The following ZZZ3 variants were observed in gnomAD, a reference collection of about 807,000 sequenced individuals.
The protein encoded by ZZZ3 is ZZ-type zinc finger-containing protein 3.
A neutral mutation model predicts 95.2 loss-of-function variants in ZZZ3; 22 were observed. That is an observed-to-expected ratio of 0.23 (90% CI 0.17 to 0.33). The LOEUF is 0.33. Among genes scored for constraint, ZZZ3 ranks in the 10% least tolerant of loss-of-function variants. The probability of loss-of-function intolerance (pLI) is 1.00; values close to 1 mark genes in which losing one functional copy is unlikely to be tolerated. For missense variants in ZZZ3, 885 were observed against 1,066.5 expected (o/e 0.83, Z 2.37); for synonymous variants, 335 against 358.9 (o/e 0.93, Z 0.75).
intron 5 of ZZZ3, among the ~76,000 whole-genome samples, chr1:77,610,536 T>C (rs1665688362): frequency 6.6e-6 from 1 of 151,770 alleles, no homozygotes; most frequent in Admixed American, 6.6e-5. Flanking sequence ...CCAATATCTC[T>C]GATGACTGTT....
intron 5 of ZZZ3, among the ~76,000 whole-genome samples, chr1:77,618,395 T>G (rs1236514036): frequency 6.6e-6 from 1 of 151,952 alleles, no homozygotes; most frequent in African/African-American, 2.4e-5. Context: ...AAATGTCATA[T>G]AAAGTTGGGA....
intron 12 of ZZZ3, among the ~76,000 whole-genome samples, chr1:77,570,492 A>G (rs1325864640): frequency 6.6e-6 from 1 of 151,980 alleles, no homozygotes; most frequent in Non-Finnish European, 1.5e-5. Context: ...GTCCTCTAGT[A>G]TCCACCCCCT....
chr1:77,658,411 T>C (rs897104555), intron 1 of ZZZ3, among the ~76,000 whole-genome samples: 1 of 151,954 alleles, frequency 6.6e-6, no homozygotes, highest in Admixed American at 6.6e-5. Context: ...GGGAGATCAC[T>C]GTTCACTGCA....
At chr1:77,629,489 T>C (rs1163882317) in intron 5 of ZZZ3, among the ~76,000 whole-genome samples, 1 of 152,026 alleles carries the variant, frequency 6.6e-6, no homozygotes, top group Non-Finnish European at 1.5e-5. Context: ...TGTGATGGCG[T>C]ACACCTGTAG....
chr1:77,672,814 C>G (rs1289030646), intron 1 of ZZZ3, among the ~76,000 whole-genome samples: 1 of 152,152 alleles, frequency 6.6e-6, no homozygotes, highest in Non-Finnish European at 1.5e-5. Flanking sequence ...TTAGAAGTAA[C>G]TCTATAACCA....
At position 77,565,125 on chromosome 1, in the gene ZZZ3, C is replaced by T. The variant is rs1380560883; in HGVS notation, c.*515G>A. ...AATATGATTAAGCAGCTCCAATTTA[C>T]TAAAGGCCATCAATGACCACCACTG... is the stretch of plus-strand genomic sequence containing the variant. On this transcript the variant is annotated 3_prime_UTR_variant, in exon 15 of 15. Transcript: ENST00000370801. 1.3e-5 allele frequency: 2 copies of T among 152,510 alleles called. No individual in the cohort carries two copies. The highest frequency in any genetic ancestry group is 2.9e-5 in the Non-Finnish European group (2 of 68,118). The allele number at this position is 152,510 out of a possible 1,614,324, so 9.4% of individuals were successfully genotyped here.
At chr1:77,565,856 C>T in intron 14 of ZZZ3, 72 bp from the exon 15 acceptor site, 7 of 1,398,440 alleles carry the variant, frequency 5.0e-6, no homozygotes, top group Non-Finnish European at 5.8e-6. Flanking sequence ...ACAAAGCTTC[C>T]TCACAGCTCT....
intron 6 of ZZZ3, 62 bp from the exon 7 acceptor site, chr1:77,582,188 C>A (rs1662595448): frequency 7.4e-6 from 11 of 1,482,992 alleles, no homozygotes; most frequent in Non-Finnish European, 9.9e-6. Flanking sequence ...AAGAAATAAT[C>A]CACCACAGTC....
intron 1 of ZZZ3, among the ~76,000 whole-genome samples, chr1:77,643,532 C>A (rs1668973230): frequency 6.6e-6 from 1 of 152,196 alleles, no homozygotes; most frequent in Non-Finnish European, 1.5e-5. Flanking sequence ...TTATTTATTC[C>A]CTTGGAACAG....
chr1:77,612,303 G>C (rs1665888815), intron 5 of ZZZ3, among the ~76,000 whole-genome samples: 1 of 151,994 alleles, frequency 6.6e-6, no homozygotes. Flanking sequence ...AATGCTGGTT[G>C]AGGGTATGGA....
chr1:77,627,282 A>C (rs1229914455), intron 5 of ZZZ3, among the ~76,000 whole-genome samples: 1 of 152,230 alleles, frequency 6.6e-6, no homozygotes, highest in East Asian at 1.9e-4. Context: ...GTCTACTTTC[A>C]AACTGTCATG....
chr1:77,668,422 G>A (rs182199508), intron 1 of ZZZ3, among the ~76,000 whole-genome samples: 112 of 152,218 alleles, frequency 7.4e-4, no homozygotes, highest in African/African-American at 2.6e-3. Context: ...CTAGCTGTGT[G>A]ACAAACTTCT....
At chr1:77,589,689 G>A (rs1389808944) in intron 5 of ZZZ3, among the ~76,000 whole-genome samples, 2 of 151,708 alleles carry the variant, frequency 1.3e-5, no homozygotes, top group Non-Finnish European at 2.9e-5. Context: ...CAAACTCCTG[G>A]CTTCAAACAC....
chr1:77,633,584 T>C (rs1668025215), intron 4 of ZZZ3, among the ~76,000 whole-genome samples, 179 bp from the exon 5 acceptor site: 1 of 152,186 alleles, frequency 6.6e-6, no homozygotes, highest in Admixed American at 6.5e-5. Context: ...AATAATGATA[T>C]AAATTATAGC....
chr1:77,590,720 T>C (rs1170366956), intron 5 of ZZZ3, among the ~76,000 whole-genome samples: 1 of 152,266 alleles, frequency 6.6e-6, no homozygotes, highest in Admixed American at 6.5e-5. Flanking sequence ...GTGCAGTATA[T>C]AATTTTATTG....
chr1:77,644,945 G>C (rs540537722), intron 1 of ZZZ3, among the ~76,000 whole-genome samples: 1 of 152,122 alleles, frequency 6.6e-6, no homozygotes, highest in African/African-American at 2.4e-5. Context: ...TGTTCGGGCT[G>C]GGCACAATGG....
chr1:77,642,432 A>G (rs1557755438), intron 1 of ZZZ3, among the ~76,000 whole-genome samples: 1 of 152,204 alleles, frequency 6.6e-6, no homozygotes. Context: ...TAAAAAGAGT[A>G]CAAATCTACG....
chr1:77,581,261 T>C (rs186657271), intron 8 of ZZZ3, among the ~76,000 whole-genome samples, 192 bp from the exon 9 acceptor site: 1 of 152,364 alleles, frequency 6.6e-6, no homozygotes, highest in East Asian at 1.9e-4. Flanking sequence ...TGTTTGGTTT[T>C]ATACTCTCAG....
At chr1:77,641,311 G>A (rs1668758810) in intron 3 of ZZZ3, 73 bp downstream of exon 3, 3 of 363,302 alleles carry the variant, frequency 8.3e-6, no homozygotes, top group African/African-American at 6.3e-5. Flanking sequence ...GTTCACTATA[G>A]GAAGATTATC....
Sources: gnomAD v4.1 joint callset for allele counts (sites outside exome capture counted in the v4.1 genomes callset) on GRCh38, gnomAD v4.1.1 for gene constraint, MANE v1.5 for transcripts, NCBI Gene and HGNC (gene_info 2026-07-23, HGNC 2026-07-21) for gene names.